DNAH9: variants seen among roughly 807,000 people sequenced by gnomAD.
DNAH9 encodes the protein DNAH9 variant protein.
Under a neutral mutation model 471.6 loss-of-function variants are expected in DNAH9, and 345 were observed. That is an observed-to-expected ratio of 0.73 (90% CI 0.67 to 0.80). The LOEUF is 0.80. Ranked by LOEUF, DNAH9 falls within the 30% of genes least tolerant of loss-of-function variation. The pLI, the probability that DNAH9 is intolerant of heterozygous loss-of-function variation, is 0.00. For missense variants in DNAH9, 5,407 were observed against 5,609.2 expected (o/e 0.96, Z 1.15); for synonymous variants, 2,093 against 2,123.6 (o/e 0.99, Z 0.40).
chr17:11,619,894 C>T (rs2072819717), intron 6 of DNAH9, 113 bp downstream of exon 6: 1 of 660,536 alleles, frequency 1.5e-6, no homozygotes, highest in Non-Finnish European at 2.7e-6. Context: ...AACCCTCCAT[C>T]AGCTGGAATA....
At chr17:11,639,260 TG>T (rs1340545950) in intron 9 of DNAH9, among the ~76,000 whole-genome samples, 6 of 152,188 alleles carry the variant, frequency 3.9e-5, no homozygotes, top group African/African-American at 1.4e-4. Context: ...ATCATGGATC[TG>T]GACTGAGCAT....
At chr17:11,690,749 G>A (rs567329498) in intron 20 of DNAH9, among the ~76,000 whole-genome samples, 141 of 152,228 alleles carry the variant, frequency 9.3e-4, no homozygotes, top group African/African-American at 3.1e-3. Flanking sequence ...AGTTTGGAAT[G>A]AGGTCCTCAC....
intron 10 of DNAH9, among the ~76,000 whole-genome samples, chr17:11,643,468 TATAGATA>T (rs1406598069): frequency 6.6e-6 from 1 of 152,232 alleles, no homozygotes; most frequent in African/African-American, 2.4e-5. Flanking sequence ...TCTGTACCTA[TATAGATA>T]TTTACCTGGC....
At chr17:11,918,220 G>GTTTTGTTTTC (rs1370375230) in intron 61 of DNAH9, among the ~76,000 whole-genome samples, 9 of 141,326 alleles carry the variant, frequency 6.4e-5, no homozygotes, top group African/African-American at 8.0e-5. Context: ...GTTTTGTTTT[G>GTTTTGTTTTC]TTTTGTTTTG....
rs1972415789 is a variant in DNAH9 at position 11,874,934 on chromosome 17, T to G, written c.10243-15T>G. The G allele has an allele frequency of 1.3e-6, 2 of 1,595,812 alleles. No homozygotes were observed. The highest frequency in any genetic ancestry group is 1.7e-6 in the Non-Finnish European group (2 of 1,164,052). ...CTTCTGTTCTGAGCGTGGGGTGGTG[T>G]TTCTTCTTCACCAGACTCCCATTCC... On this transcript the variant is annotated splice_polypyrimidine_tract_variant and intron_variant, in intron 52 of 68. Coordinates refer to ENST00000262442, the MANE Select transcript of DNAH9 (RefSeq NM_001372.4).
intron 41 of DNAH9, among the ~76,000 whole-genome samples, chr17:11,786,281 C>G (rs568241956): frequency 1.3e-5 from 2 of 152,118 alleles, no homozygotes; most frequent in African/African-American, 4.8e-5. Context: ...ACATTGTTAT[C>G]CCAATTTAAC....
At chr17:11,624,781 T>A (rs1032816497) in intron 6 of DNAH9, among the ~76,000 whole-genome samples, 1 of 152,128 alleles carries the variant, frequency 6.6e-6, no homozygotes, top group African/African-American at 2.4e-5. Context: ...GGTTTGAGGA[T>A]CCCAAACTGG....
chr17:11,604,432 C>A (rs183886499), intron 1 of DNAH9, among the ~76,000 whole-genome samples: 1 of 152,234 alleles, frequency 6.6e-6, no homozygotes, highest in Admixed American at 6.5e-5. Context: ...TTCAAAGTTC[C>A]ACAAGCCATT....
chr17:11,779,470 G>A (rs1277374826), intron 38 of DNAH9, among the ~76,000 whole-genome samples: 1 of 152,086 alleles, frequency 6.6e-6, no homozygotes, highest in African/African-American at 2.4e-5. Flanking sequence ...TCTTTCTCTG[G>A]AGAATTTAGG....
chr17:11,628,583 C>A (rs74428523), intron 6 of DNAH9, among the ~76,000 whole-genome samples: 28,264 of 152,074 alleles, frequency 0.19, 3,397 homozygotes, highest in Non-Finnish European at 0.26. Context: ...AGCGAGGGCG[C>A]CCTGCAGGAG....
At chr17:11,884,019 G>A (rs530836912) in intron 56 of DNAH9, among the ~76,000 whole-genome samples, 1 of 152,134 alleles carries the variant, frequency 6.6e-6, no homozygotes, top group Non-Finnish European at 1.5e-5. Context: ...TTAAGCCTTT[G>A]TGGGGCCTGG....
chr17:11,899,220 G>A (rs1973323332), intron 59 of DNAH9, among the ~76,000 whole-genome samples: 1 of 151,814 alleles, frequency 6.6e-6, no homozygotes, highest in African/African-American at 2.4e-5. Context: ...TCGTGATGAA[G>A]ACTGATTGCT....
intron 14 of DNAH9, among the ~76,000 whole-genome samples, chr17:11,653,451 A>G (rs2073558278): frequency 6.6e-6 from 1 of 152,202 alleles, no homozygotes; most frequent in Admixed American, 6.5e-5. Flanking sequence ...GATAAGAGGA[A>G]AAAATGCAGA....
At chr17:11,950,924 A>G (rs1975339623) in intron 67 of DNAH9, among the ~76,000 whole-genome samples, 5 of 152,096 alleles carry the variant, frequency 3.3e-5, no homozygotes, top group Admixed American at 3.3e-4. Flanking sequence ...TTTCCATCAC[A>G]CTTAGTCCAG....
chr17:11,720,744 G>A (rs967131205), intron 27 of DNAH9, among the ~76,000 whole-genome samples: 4 of 152,080 alleles, frequency 2.6e-5, no homozygotes, highest in Non-Finnish European at 5.9e-5. Flanking sequence ...GAGTTGCAGC[G>A]TCCTGTAGCA....
chr17:11,637,748 A>G (rs2073190551), intron 9 of DNAH9, among the ~76,000 whole-genome samples: 1 of 150,618 alleles, frequency 6.6e-6, no homozygotes, highest in African/African-American at 2.5e-5. Flanking sequence ...TAAATTATGA[A>G]CTTCTTATTA....
chr17:11,851,076 C>T (rs1250237874), intron 49 of DNAH9, among the ~76,000 whole-genome samples: 1 of 147,540 alleles, frequency 6.8e-6, no homozygotes, highest in Non-Finnish European at 1.5e-5. Context: ...GGGTGGGGGT[C>T]GTTTAAATTG....
chr17:11,848,160 T>C (rs1300125649), intron 49 of DNAH9, among the ~76,000 whole-genome samples: 1 of 152,210 alleles, frequency 6.6e-6, no homozygotes, highest in Admixed American at 6.5e-5. Context: ...TCAAAAGAGC[T>C]GGTGTGTTGT....
chr17:11,861,833 G>C (rs1597749161), intron 50 of DNAH9, among the ~76,000 whole-genome samples: 1 of 151,428 alleles, frequency 6.6e-6, no homozygotes. Context: ...CTTTTGAGAA[G>C]TGTCTGTTCA....
Sources: allele counts gnomAD v4.1 joint callset (sites outside exome capture counted in the v4.1 genomes callset), GRCh38; gene constraint gnomAD v4.1.1; transcripts MANE v1.5; gene names NCBI Gene and HGNC (gene_info 2026-07-23, HGNC 2026-07-21).